The following CCDC122 variants were observed in gnomAD, a reference collection of about 807,000 sequenced individuals.
CCDC122 encodes coiled-coil domain-containing protein 122.
In CCDC122, 38 loss-of-function variants were observed where a neutral mutation model predicts 37.0. That is an observed-to-expected ratio of 1.03 (90% confidence interval 0.79 to 1.35). The LOEUF is 1.35. CCDC122 is among the 40% of genes most tolerant of loss of function. The probability of loss-of-function intolerance (pLI) is 0.00; values close to 1 mark genes in which losing one functional copy is unlikely to be tolerated. For missense variants in CCDC122, 305 were observed against 310.0 expected, an observed-to-expected ratio of 0.98 and a Z score of 0.12; for synonymous variants, 83 against 95.6, an observed-to-expected ratio of 0.87 and a Z score of 0.77.
chr13:43,851,707 C>G (rs370785816), intron 6 of CCDC122, among the ~76,000 whole-genome samples: 1 of 152,200 alleles, frequency 6.6e-6, no homozygotes, highest in African/African-American at 2.4e-5. Flanking sequence ...TTGGCTGACA[C>G]AACCCATCTG....
Position 43,859,995 on chromosome 13 carries a change from G to A in CCDC122, c.232C>T (p.Gln78Ter). Residue 78 changes from glutamine (Q) to a stop codon, truncating the protein, a stop_gained, in exon 5 of 7, where the codon CAA becomes TAA. Transcript: ENST00000444614. LOFTEE classifies it high-confidence loss of function. ...ETKETERQIY[Q>*]QDSAIENTKL... ...GTATTCTCTATGGCAGAATCTTGTTGATAAATTTGTCTTTCTGTTTCTTTA... is the reference window on the plus strand; with the variant it reads ...GTATTCTCTATGGCAGAATCTTGTTAATAAATTTGTCTTTCTGTTTCTTTA... 6.3e-7 allele frequency: 1 copy of A among 1,587,256 alleles called. No homozygotes were observed. The highest frequency in any genetic ancestry group is 2.3e-5 in the East Asian group (1 of 43,914).
At chr13:43,872,550 T>C (rs1954484530) in intron 2 of CCDC122, among the ~76,000 whole-genome samples, 1 of 152,126 alleles carries the variant, frequency 6.6e-6, no homozygotes, top group Admixed American at 6.6e-5. Flanking sequence ...TACCTTCTAA[T>C]CTAACTGAGA....
rs778855172 is a variant in CCDC122 at position 43,837,351 on chromosome 13, A to G, written c.751T>C (p.Trp251Arg). Residue 251 changes from tryptophan to arginine, a missense_variant, in exon 7 of 7, where the codon TGG (tryptophan) becomes CGG (arginine). By Grantham distance (101) the Trp-to-Arg change is moderately radical. Transcript: ENST00000444614. ...VNKLQSNRRQ[W>R]QWNIQQLEKT... ...TCCAATTGTTGAATGTTCCATTGCC[A>G]CTGTCGTCTATTTGACTGAAGCTTG... 62 of 1,613,920 alleles carry G rather than the reference A, an allele frequency of 3.8e-5. No individual in the cohort carries two copies. The highest frequency in any genetic ancestry group is 5.0e-5 in the Non-Finnish European group (59 of 1,179,978).
intron 1 of CCDC122, among the ~76,000 whole-genome samples, chr13:43,877,112 GA>G (rs1039215595): frequency 2.0e-5 from 3 of 152,186 alleles, no homozygotes; most frequent in East Asian, 1.9e-4. Flanking sequence ...TCTCAAAAAA[GA>G]AAAAAATTAC....
At chr13:43,838,743 C>T (rs752808900) in intron 6 of CCDC122, among the ~76,000 whole-genome samples, 262 of 152,208 alleles carry the variant, frequency 1.7e-3, no homozygotes, top group Non-Finnish European at 1.9e-3. Context: ...TTTCTGAGGG[C>T]AGGTCTTTGT....
At chr13:43,820,760 G>A (rs1035469540), downstream of CCDC122, among the ~76,000 whole-genome samples, 2 of 152,108 alleles carry the variant, frequency 1.3e-5, no homozygotes, top group Admixed American at 6.5e-5. Context: ...AGAATCACGG[G>A]AAATAAATCA....
intron 6 of CCDC122, among the ~76,000 whole-genome samples, chr13:43,844,055 C>A (rs971282816): frequency 3.3e-5 from 5 of 151,004 alleles, no homozygotes; most frequent in Admixed American, 1.3e-4. Flanking sequence ...TTTCTGTTAT[C>A]TATCATTTAA....
intron 6 of CCDC122, among the ~76,000 whole-genome samples, chr13:43,842,378 G>C (rs1953385482): frequency 6.6e-6 from 1 of 151,596 alleles, no homozygotes; most frequent in Non-Finnish European, 1.5e-5. Flanking sequence ...ACTCTATTCT[G>C]TTCCATTGGT....
At chr13:43,864,391 G>GT (rs1954207900) in intron 4 of CCDC122, among the ~76,000 whole-genome samples, 1 of 152,028 alleles carries the variant, frequency 6.6e-6, no homozygotes, top group South Asian at 2.1e-4. Context: ...TTCAAAAAAG[G>GT]TTTATTTGGC....
At position 43,837,261 on chromosome 13, in the gene CCDC122, A is replaced by T; in HGVS notation, c.*19T>A. On this transcript the variant is annotated 3_prime_UTR_variant, in exon 7 of 7. Coordinates refer to ENST00000444614, the MANE Select transcript of CCDC122 (RefSeq NM_144974.5). ...TTTTTGTTGTCATGGTCTGTGTTCC[A>T]CATTGCCCTATGGCAATGTTACTCT... 13 of 1,609,612 alleles carry T rather than the reference A, an allele frequency of 8.1e-6. No homozygotes were observed. The highest frequency in any genetic ancestry group is 1.1e-5 in the Non-Finnish European group (13 of 1,178,288).
intron 6 of CCDC122, among the ~76,000 whole-genome samples, chr13:43,837,636 ATAAT>A (rs963171122): frequency 2.4e-5 from 3 of 122,652 alleles, no homozygotes; most frequent in Non-Finnish European, 5.6e-5. Flanking sequence ...CTTTCTGCAT[ATAAT>A]TAAATTCTTA....
intron 3 of CCDC122, among the ~76,000 whole-genome samples, chr13:43,824,775 T>C (rs886623701): frequency 2.6e-5 from 4 of 152,070 alleles, no homozygotes; most frequent in African/African-American, 9.7e-5. Context: ...GATATACAAG[T>C]GGCCAACAAA....
intron 4 of CCDC122, among the ~76,000 whole-genome samples, 159 bp from the exon 5 acceptor site, chr13:43,860,229 ACAATT>A (rs1045499553): frequency 4.8e-5 from 6 of 125,812 alleles, no homozygotes; most frequent in Middle Eastern, 3.9e-3. Context: ...TGCAATAAAC[ACAATT>A]ATTTTATAAT....
At chr13:43,822,508 G>A (rs770693983), downstream of CCDC122, among the ~76,000 whole-genome samples, 18 of 152,368 alleles carry the variant, frequency 1.2e-4, no homozygotes, top group Non-Finnish European at 2.6e-4. Context: ...AGCCAAGTTT[G>A]TGTCCCTTCT....
At chr13:43,863,794 C>A (rs1417868742) in intron 4 of CCDC122, among the ~76,000 whole-genome samples, 1 of 151,808 alleles carries the variant, frequency 6.6e-6, no homozygotes, top group African/African-American at 2.4e-5. Flanking sequence ...ACCCAAATGG[C>A]CAAAGGGCCC....
chr13:43,844,770 A>T (rs184796985), intron 6 of CCDC122, among the ~76,000 whole-genome samples: 22 of 152,160 alleles, frequency 1.4e-4, no homozygotes, highest in Non-Finnish European at 2.6e-4. Flanking sequence ...CTTGATATTA[A>T]CACAGCTACA....
intron 6 of CCDC122, among the ~76,000 whole-genome samples, chr13:43,839,460 T>C (rs1006721695): frequency 5.3e-5 from 8 of 152,346 alleles, no homozygotes; most frequent in Middle Eastern, 6.8e-3. Context: ...GCACATTATA[T>C]GATATACCAC....
At chr13:43,860,673 A>G (rs1390745674) in intron 4 of CCDC122, among the ~76,000 whole-genome samples, 1 of 152,180 alleles carries the variant, frequency 6.6e-6, no homozygotes, top group Non-Finnish European at 1.5e-5. Context: ...TTCCTTCTCA[A>G]TCTCAACAGT....
intron 6 of CCDC122, among the ~76,000 whole-genome samples, chr13:43,838,926 T>C (rs1953256600): frequency 6.6e-6 from 1 of 152,190 alleles, no homozygotes; most frequent in South Asian, 2.1e-4. Context: ...AGTATTATAA[T>C]GAGGGATAGG....
Sources: gnomAD v4.1 joint callset for allele counts (sites outside exome capture counted in the v4.1 genomes callset) on GRCh38, gnomAD v4.1.1 for gene constraint, MANE v1.5 for transcripts, NCBI Gene and HGNC (gene_info 2026-07-23, HGNC 2026-07-21) for gene names.